Variants in OR6N2 observed in about 807,000 individuals in gnomAD.
The protein encoded by OR6N2 is olfactory receptor 6N2.
For missense variants in OR6N2, 399 were observed against 379.7 expected (o/e 1.05, Z -0.42); for synonymous variants, 160 against 138.3 (o/e 1.16, Z -1.10).
chr1:158,774,907 A>C lies in OR6N2; in HGVS notation c.*1775T>G, dbSNP rs1657547098. ...AGAACAGTGGGTTTCAGTAATGATT[A>C]GAATCATTATGTCATTGTTAAAGGC... On this transcript the variant is annotated 3_prime_UTR_variant, in exon 2 of 2. Coordinates refer to ENST00000641131, the MANE Select transcript of OR6N2 (RefSeq NM_001005278.2). The C allele has an allele frequency of 6.6e-6, 1 of 152,244 alleles. No homozygotes were observed. Among genetic ancestry groups the C allele is most frequent in the Non-Finnish European group, 1.5e-5 (1 of 68,038 alleles). 9.4% of individuals were successfully genotyped at this position (152,244 alleles called of 1,614,324 possible). A position where few individuals can be genotyped will look rare whatever the true frequency, so the allele number is the denominator to read the frequency against.
Position 158,774,264 on chromosome 1 carries a change from T to C in OR6N2, c.*2418A>G, listed in dbSNP as rs1042197942. 2.0e-5 allele frequency: 3 copies of C among 152,188 alleles called. No individual in the cohort carries two copies. The highest frequency in any genetic ancestry group is 4.4e-5 in the Non-Finnish European group (3 of 68,044). The allele number at this position is 152,188 out of a possible 1,614,324, so 9.4% of individuals were successfully genotyped here. A position where few individuals can be genotyped will look rare whatever the true frequency, so the allele number is the denominator to read the frequency against. ...TATTTTACAAAAATATATGATAAAA[T>C]AGTGCGGATGACAGCAGGGAGGATT... On this transcript the variant is annotated 3_prime_UTR_variant, in exon 2 of 2. Transcript: ENST00000641131.
rs748403716 is a variant in OR6N2 at position 158,777,130 on chromosome 1, C to CA, written c.505dup (p.Cys169LeufsTer5). On this transcript the variant is annotated frameshift_variant, in exon 2 of 2. Coordinates refer to ENST00000641131, the MANE Select transcript of OR6N2 (RefSeq NM_001005278.2). LOFTEE classifies it low-confidence loss of function (END_TRUNC). ...AATGTGTTGGATTTCATTGTAAGCA[C>CA]AAAATGGGAGCTGGGAGGCAAGGAT... The CA allele has an allele frequency of 8.7e-6, 14 of 1,613,950 alleles. No homozygotes were observed. In the Admixed American group the frequency reaches 2.2e-4, roughly 25 times the overall value.
chr1:158,776,809 A>G lies in OR6N2; in HGVS notation c.827T>C (p.Ile276Thr), dbSNP rs1312356946. 2.5e-6 allele frequency: 4 copies of G among 1,613,994 alleles called. No individual in the cohort carries two copies. The highest frequency in any genetic ancestry group is 1.3e-5 in the African/African-American group (1 of 74,930). The change falls in exon 2 of 2, where the codon ATA becomes ACA. Residue 276 changes from isoleucine to threonine, a missense_variant. By Grantham distance (89) the Ile-to-Thr change is moderately conservative (BLOSUM62 -1). Coordinates refer to ENST00000641131, the MANE Select transcript of OR6N2 (RefSeq NM_001005278.2). Reference sequence around the variant, plus strand: ...CATTGGTGTTAGTACGGAGTAAACTATAGCAAGTGTTCGGTCAAGGGTCAG... The same window carrying G: ...CATTGGTGTTAGTACGGAGTAAACTGTAGCAAGTGTTCGGTCAAGGGTCAG... Reference protein sequence around the residue: ...YSLTLDRTLAIVYSVLTPMVN... With the variant: ...YSLTLDRTLATVYSVLTPMVN...
chr1:158,780,105 T>C (rs1015093767), intron 1 of OR6N2, among the ~76,000 whole-genome samples: 2 of 152,236 alleles, frequency 1.3e-5, no homozygotes, highest in Non-Finnish European at 2.9e-5. Context: ...AGTATTCTAA[T>C]AAACTTAGCG....
rs1657611712 is a variant in OR6N2 at position 158,776,883 on chromosome 1, G to A, written c.753C>T (p.Phe251=). Residue 251 remains phenylalanine, a synonymous_variant, in exon 2 of 2, where the codon TTC becomes TTT. Coordinates refer to ENST00000641131, the MANE Select transcript of OR6N2 (RefSeq NM_001005278.2). ...CATACATGAAGATGATGCTCCCAAAGAAGATGAGGACCACAGCAAGATGTG... is the reference window on the plus strand; with the variant it reads ...CATACATGAAGATGATGCTCCCAAAAAAGATGAGGACCACAGCAAGATGTG... ...CASHLAVVLI[F]FGSIIFMYVR... is the part of the protein sequence containing the mutation. 1 of 1,614,126 alleles carries A rather than the reference G, an allele frequency of 6.2e-7. No homozygotes were observed. The highest frequency in any genetic ancestry group is 8.5e-7 in the Non-Finnish European group (1 of 1,180,008).
rs1336164977 is a variant in OR6N2 at position 158,775,790 on chromosome 1, AGAAAAG to A, written c.*886_*891del. The A allele has an allele frequency of 6.6e-6, 1 of 152,214 alleles. No homozygotes were observed. The highest frequency in any genetic ancestry group is 1.5e-5 in the Non-Finnish European group (1 of 68,032). 9.4% of individuals were successfully genotyped at this position (152,214 alleles called of 1,614,324 possible). On this transcript the variant is annotated 3_prime_UTR_variant, in exon 2 of 2. Transcript: ENST00000641131. ...ATAATTGATTGGAATTATGGTTGTA[AGAAAAG>A]GAAGCAAAATAGAATATTTAAAATT...
Position 158,779,772 on chromosome 1 carries a change from T to G in OR6N2, c.-7+1398A>C, listed in dbSNP as rs1406839572. On this transcript the variant is annotated intron_variant, in intron 1 of 1. Transcript: ENST00000641131. ...CTGCTTCTTATCCTTCAAAATGAGA[T>G]CAAATCTTAACTCCTTAAATATACT... Among the ~76,000 whole-genome samples the G allele has an allele frequency of 2.6e-5, 4 of 152,330 alleles. No homozygotes were observed. The South Asian group carries it at 6.2e-4, about 24-fold the overall frequency.
At chr1:158,780,523 A>T (rs1425125377) in intron 1 of OR6N2, among the ~76,000 whole-genome samples, 1 of 152,222 alleles carries the variant, frequency 6.6e-6, no homozygotes, top group Non-Finnish European at 1.5e-5. Context: ...CATAATGAAG[A>T]TAAGCTGAAA....
chr1:158,779,024 A>AAAAAAAAAAAAAAAAAG (rs1558036634), intron 1 of OR6N2, among the ~76,000 whole-genome samples: 1 of 151,204 alleles, frequency 6.6e-6, no homozygotes, highest in African/African-American at 2.4e-5. Flanking sequence ...GTCTCAAAAA[A>AAAAAAAAAAAAAAAAAG]AAAAAAAAGA....
At position 158,776,953 on chromosome 1, in the gene OR6N2, A is replaced by G. The variant is rs199717306; in HGVS notation, c.683T>C (p.Ile228Thr). The change falls in exon 2 of 2, where the codon ATA becomes ACA. Residue 228 changes from isoleucine to threonine, a missense_variant. Transcript: ENST00000641131. ...CTTCTTTCTTCCTGATGCTGTTTTT[A>G]TCTTCAGCACAGCCCCAATGATCCT... ...YARIIGAVLK[I>T]KTASGRKKAF... The G allele has an allele frequency of 1.3e-5, 21 of 1,614,132 alleles. No individual in the cohort carries two copies. The African/African-American group carries it at 1.3e-4, about 10-fold the overall frequency.
chr1:158,776,927 C>A lies in OR6N2; in HGVS notation c.709G>T (p.Ala237Ser). Reference protein sequence around the residue: ...KIKTASGRKKAFSTCASHLAV... With the variant: ...KIKTASGRKKSFSTCASHLAV... ...AGATGTGAGGCACAGGTAGAAAAGG[C>A]CTTCTTTCTTCCTGATGCTGTTTTT... The change falls in exon 2 of 2, where the codon GCC becomes TCC. Residue 237 changes from alanine to serine, a missense_variant. Ala to Ser is a moderately conservative substitution (Grantham distance 99). Transcript: ENST00000641131. 2.5e-6 allele frequency: 4 copies of A among 1,613,838 alleles called. No homozygotes were observed. Among genetic ancestry groups the A allele is most frequent in the East Asian group, 2.2e-5 (1 of 44,864 alleles).
rs1168506956 is a variant in OR6N2, at chr1:158,776,663, A to G, written c.*19T>C. ...TTTATGAATTGAACATTGAGGTGAG[A>G]AAGGACATGGGAAGAAAGTCAAAGA... On this transcript the variant is annotated 3_prime_UTR_variant, in exon 2 of 2. Transcript: ENST00000641131. The G allele has an allele frequency of 6.9e-7, 1 of 1,449,430 alleles. No homozygotes were observed. The highest frequency in any genetic ancestry group is 1.4e-5 in the African/African-American group (1 of 71,152). 89.8% of individuals were successfully genotyped at this position (1,449,430 alleles called of 1,614,324 possible). A position where few individuals can be genotyped will look rare whatever the true frequency, so the allele number is the denominator to read the frequency against.
chr1:158,779,494 C>T (rs932082887), intron 1 of OR6N2, among the ~76,000 whole-genome samples: 19 of 152,340 alleles, frequency 1.2e-4, no homozygotes, highest in African/African-American at 4.3e-4. Flanking sequence ...CTCTACCACT[C>T]AGCCAATGCC....
chr1:158,780,162 C>T (rs969053933), intron 1 of OR6N2, among the ~76,000 whole-genome samples: 1 of 152,174 alleles, frequency 6.6e-6, no homozygotes, highest in Non-Finnish European at 1.5e-5. Flanking sequence ...TGTTGAAAGA[C>T]CTATCATTGT....
rs1170248302 is a variant in OR6N2, at chr1:158,774,342, C to T, written c.*2340G>A. The T allele has an allele frequency of 6.6e-6, 1 of 152,104 alleles. No homozygotes were observed. The highest frequency in any genetic ancestry group is 1.5e-5 in the Non-Finnish European group (1 of 68,026). 9.4% of individuals were successfully genotyped at this position (152,104 alleles called of 1,614,324 possible). On this transcript the variant is annotated 3_prime_UTR_variant, in exon 2 of 2. Coordinates refer to ENST00000641131, the MANE Select transcript of OR6N2 (RefSeq NM_001005278.2). ...AAAGGTTCTCTACCTAGTTCATGAA[C>T]CTGCTGAGATAAAACACACAACAAA...
rs541217452 is a variant in OR6N2, at chr1:158,774,795, G to A, written c.*1887C>T. On this transcript the variant is annotated 3_prime_UTR_variant, in exon 2 of 2. Transcript: ENST00000641131. ...GGACTAGTTACCAGTATTATCCAAG[G>A]AAATTCAAAAGGCAGATGTGAGACA... The A allele has an allele frequency of 5.9e-5, 9 of 152,236 alleles. No individual in the cohort carries two copies. Among genetic ancestry groups the A allele is most frequent in the African/African-American group, 2.2e-4 (9 of 41,546 alleles). 9.4% of individuals were successfully genotyped at this position (152,236 alleles called of 1,614,324 possible).
At chr1:158,777,897 TCTGC>T (rs1176663199) in intron 1 of OR6N2, among the ~76,000 whole-genome samples, 5 of 152,234 alleles carry the variant, frequency 3.3e-5, no homozygotes, top group African/African-American at 1.2e-4. Context: ...GCACCATTGT[TCTGC>T]CTATTTTGCA....
Position 158,777,618 on chromosome 1 carries a change from A to G in OR6N2, c.18T>C (p.His6=). 6.2e-7 allele frequency: 1 copy of G among 1,612,764 alleles called. No homozygotes were observed. The highest frequency in any genetic ancestry group is 1.7e-5 in the Admixed American group (1 of 59,996). Residue 6 remains histidine (H), a synonymous_variant, in exon 2 of 2, where the codon CAT becomes CAC. Transcript: ENST00000641131. Reference sequence around the variant, plus strand: ...GGAACACAAATTCAGCCAGGCTTGAATGGTTGTATTGATCCATGGGAGGCT... The same window carrying G: ...GGAACACAAATTCAGCCAGGCTTGAGTGGTTGTATTGATCCATGGGAGGCT... The part of the protein sequence containing the change: MDQYN[H]SSLAEFVFLG...
chr1:158,774,924 G>A lies in OR6N2; in HGVS notation c.*1758C>T, dbSNP rs530788499. On this transcript the variant is annotated 3_prime_UTR_variant, in exon 2 of 2. Coordinates refer to ENST00000641131, the MANE Select transcript of OR6N2 (RefSeq NM_001005278.2). ...TAATGATTAGAATCATTATGTCATT[G>A]TTAAAGGCCAAATATATTATTGACC... The A allele has an allele frequency of 6.6e-6, 1 of 152,262 alleles. No individual in the cohort carries two copies. Among genetic ancestry groups the A allele is most frequent in the African/African-American group, 2.4e-5 (1 of 41,548 alleles). 9.4% of individuals were successfully genotyped at this position (152,262 alleles called of 1,614,324 possible).
Sources: gnomAD v4.1 joint callset for allele counts (sites outside exome capture counted in the v4.1 genomes callset) on GRCh38, gnomAD v4.1.1 for gene constraint, MANE v1.5 for transcripts, NCBI Gene and HGNC (gene_info 2026-07-23, HGNC 2026-07-21) for gene names.